TASP1: variants seen among roughly 807,000 people sequenced by gnomAD.
TASP1 encodes threonine aspartase 1.
TASP1 carries 16 observed loss-of-function variants against 56.6 expected under a neutral mutation model. That is an observed-to-expected ratio of 0.28 (90% confidence interval 0.19 to 0.43). The LOEUF (loss-of-function observed/expected upper bound fraction) is 0.43. TASP1 is among the 20% of genes least tolerant of loss of function. TASP1 has a pLI of 1.00. For synonymous variants in TASP1, 179 were observed against 184.2 expected (o/e 0.97, Z 0.23); for missense variants, 393 against 511.6 (o/e 0.77, Z 2.24).
At chr20:13,333,742 A>G in the TASP1 span, among the ~76,000 whole-genome samples, 13,406 of 152,244 alleles carry the variant, frequency 0.088, 1,260 homozygotes, top group African/African-American at 0.24. Flanking sequence ...CATAAAAAGT[A>G]TTTCTTGCTT....
chr20:13,147,150 C>A, the TASP1 span, among the ~76,000 whole-genome samples: 4,973 of 152,226 alleles, frequency 0.033, 249 homozygotes, highest in African/African-American at 0.11. Flanking sequence ...TGCGTGCATT[C>A]CACAGGGGCA....
chr20:13,165,661 G>T, the TASP1 span: 1 of 152,176 alleles, frequency 6.6e-6, no homozygotes, highest in Admixed American at 6.5e-5. Context: ...CCTTGTTGGT[G>T]CAGTGCACGG....
At chr20:13,419,757 C>CA in intron 12 of TASP1, among the ~76,000 whole-genome samples, 1 of 152,256 alleles carries the variant, frequency 6.6e-6, no homozygotes, top group Non-Finnish European at 1.5e-5. Flanking sequence ...CAGTAAGGGG[C>CA]AAAATGGAGT....
At chr20:13,268,362 C>A in the TASP1 span, among the ~76,000 whole-genome samples, 1 of 50,584 alleles carries the variant, frequency 2.0e-5, no homozygotes, top group Non-Finnish European at 4.1e-5. Flanking sequence ...CTCTCTCTCT[C>A]TCTCTCTCTC....
intron 4 of TASP1, among the ~76,000 whole-genome samples, chr20:13,610,994 ACTCTGGGG>A (rs2048330994): frequency 6.6e-6 from 1 of 152,060 alleles, no homozygotes. Flanking sequence ...AAAGCTAACC[ACTCTGGGG>A]CTAGGATTCA....
chr20:13,612,549 A>G (rs1021476171), intron 4 of TASP1, among the ~76,000 whole-genome samples: 1 of 151,234 alleles, frequency 6.6e-6, no homozygotes, highest in Non-Finnish European at 1.5e-5. Flanking sequence ...ACAGAAGCGC[A>G]TGGGAGGTGG....
chr20:13,361,297 G>C, the TASP1 span, among the ~76,000 whole-genome samples: 29 of 152,058 alleles, frequency 1.9e-4, no homozygotes, highest in East Asian at 9.6e-4. Context: ...CATTTCTTCC[G>C]TTCTGTTAGA....
intron 11 of TASP1, among the ~76,000 whole-genome samples, chr20:13,467,784 A>C (rs2044320533): frequency 6.6e-6 from 1 of 152,136 alleles, no homozygotes; most frequent in Non-Finnish European, 1.5e-5. Context: ...TGGGAGACCA[A>C]GATGGGTAGA....
the TASP1 span, among the ~76,000 whole-genome samples, chr20:13,105,168 G>A: frequency 0.29 from 44,445 of 152,004 alleles, 7,217 homozygotes; most frequent in Middle Eastern, 0.39. Flanking sequence ...ACATGCCAGG[G>A]GCTAAGGTGG....
chr20:13,401,669 G>GA lies in TASP1; in HGVS notation c.1171-11218dup, dbSNP rs141103219. On this transcript the variant is annotated intron_variant, in intron 13 of 13. Transcript: ENST00000337743. Reference sequence around the variant, plus strand: ...AGATTATAGTTTTTGTCTTGAGACTGAAAAAACAAGAGAAAATTCCTTTCA... The same window carrying GA: ...AGATTATAGTTTTTGTCTTGAGACTGAAAAAAACAAGAGAAAATTCCTTTCA... Among the ~76,000 whole-genome samples the GA allele has an allele frequency of 4.1e-3, 617 of 152,224 alleles. 4 individuals carry two copies. The highest frequency in any genetic ancestry group is 0.014 in the African/African-American group (584 of 41,554).
chr20:13,500,089 T>A (rs903906267), intron 10 of TASP1, among the ~76,000 whole-genome samples: 2 of 151,662 alleles, frequency 1.3e-5, no homozygotes, highest in Non-Finnish European at 2.9e-5. Flanking sequence ...TTATGTGACA[T>A]ATCCATGTAA....
chr20:13,153,495 T>C, the TASP1 span, among the ~76,000 whole-genome samples: 1 of 152,220 alleles, frequency 6.6e-6, no homozygotes, highest in Non-Finnish European at 1.5e-5. Context: ...TCTTTGTCTA[T>C]GAATATGCTA....
the TASP1 span, among the ~76,000 whole-genome samples, chr20:13,314,374 C>G: frequency 6.6e-6 from 1 of 151,384 alleles, no homozygotes; most frequent in South Asian, 2.1e-4. Context: ...CCAAAAGAAG[C>G]CAAAGGGAAA....
intron 11 of TASP1, among the ~76,000 whole-genome samples, chr20:13,445,455 C>T (rs527836331): frequency 3.3e-5 from 5 of 152,240 alleles, no homozygotes; most frequent in Admixed American, 3.3e-4. Context: ...AATATTCCAT[C>T]CCAGCATTCT....
chr20:13,356,312 C>G, the TASP1 span, among the ~76,000 whole-genome samples: 1 of 152,170 alleles, frequency 6.6e-6, no homozygotes, highest in Non-Finnish European at 1.5e-5. Flanking sequence ...ACAATAGGAG[C>G]AATTGTTGTA....
At chr20:13,443,175 T>C (rs911759165) in intron 11 of TASP1, among the ~76,000 whole-genome samples, 1 of 152,196 alleles carries the variant, frequency 6.6e-6, no homozygotes, top group Non-Finnish European at 1.5e-5. Context: ...CTAGTTAATC[T>C]TCTACAACAG....
intron 11 of TASP1, among the ~76,000 whole-genome samples, chr20:13,473,343 G>T (rs2044594183): frequency 6.6e-6 from 1 of 151,942 alleles, no homozygotes; most frequent in African/African-American, 2.4e-5. Flanking sequence ...GTTGTGGGGT[G>T]GGGGGATGGG....
At chr20:13,462,379 T>C (rs903079589) in intron 11 of TASP1, among the ~76,000 whole-genome samples, 1 of 152,206 alleles carries the variant, frequency 6.6e-6, no homozygotes, top group Non-Finnish European at 1.5e-5. Flanking sequence ...ATGTGACTAA[T>C]GACTGCTATA....
chr20:13,394,768 T>C (rs1323246225), intron 13 of TASP1, among the ~76,000 whole-genome samples: 1 of 152,056 alleles, frequency 6.6e-6, no homozygotes, highest in Non-Finnish European at 1.5e-5. Flanking sequence ...TAGTTATAAT[T>C]TGCCGCTTTC....
Sources: gnomAD v4.1 joint callset for allele counts (sites outside exome capture counted in the v4.1 genomes callset) on GRCh38, gnomAD v4.1.1 for gene constraint, MANE v1.5 for transcripts, NCBI Gene and HGNC (gene_info 2026-07-23, HGNC 2026-07-21) for gene names.